Variants in STXBP5 observed in about 807,000 individuals in gnomAD.
STXBP5 encodes syntaxin-binding protein 5.
STXBP5 carries 50 observed loss-of-function variants against 152.4 expected under a neutral mutation model. The observed-to-expected ratio is 0.33, with a 90% CI of 0.26 to 0.42. The LOEUF is 0.42. Among genes scored for constraint, STXBP5 ranks in the 10% least tolerant of loss-of-function variants. STXBP5 has a pLI of 1.00. For missense variants in STXBP5, 1,167 were observed against 1,388.6 expected, an observed-to-expected ratio of 0.84 and a Z score of 2.54; for synonymous variants, 492 against 494.7, an observed-to-expected ratio of 0.99 and a Z score of 0.07.
intron 5 of STXBP5, among the ~76,000 whole-genome samples, chr6:147,262,005 A>G (rs1779665854): frequency 6.6e-6 from 1 of 152,064 alleles, no homozygotes. Flanking sequence ...CTACCTTGAC[A>G]ATAGATTTCC....
At chr6:147,258,190 G>A (rs1004249139) in intron 4 of STXBP5, among the ~76,000 whole-genome samples, 2 of 152,098 alleles carry the variant, frequency 1.3e-5, no homozygotes, top group African/African-American at 4.8e-5. Flanking sequence ...GTGTGGGAGG[G>A]GAATGTAATC....
intron 7 of STXBP5, among the ~76,000 whole-genome samples, chr6:147,271,550 C>T (rs1421741853): frequency 6.6e-6 from 1 of 151,764 alleles, no homozygotes; most frequent in Non-Finnish European, 1.5e-5. Flanking sequence ...TTCTAAATAA[C>T]CCATGAGTCA....
chr6:147,359,061 CACA>C lies in STXBP5; in HGVS notation c.2306-19_2306-17del. 1 of 1,603,264 alleles carries C rather than the reference CACA, an allele frequency of 6.2e-7. No homozygotes were observed. Among genetic ancestry groups the C allele is most frequent in the Non-Finnish European group, 8.5e-7 (1 of 1,172,690 alleles). On this transcript the variant is annotated intron_variant, in intron 22 of 27. Coordinates refer to ENST00000321680, the MANE Select transcript of STXBP5 (RefSeq NM_001127715.4). Reference sequence around the variant, plus strand: ...ACTTCTTTTATAACTTGAGCAATCTCACAACATTTTTAACCATTTCAGATGTAA... The same window carrying C: ...ACTTCTTTTATAACTTGAGCAATCTCACATTTTTAACCATTTCAGATGTAA...
Position 147,210,797 on chromosome 6 carries a change from TGTG to T in STXBP5, c.248+4734_248+4736del, listed in dbSNP as rs542863322. Among the ~76,000 whole-genome samples, 5 of 152,314 alleles carry T rather than the reference TGTG, an allele frequency of 3.3e-5. No individual in the cohort carries two copies. In the East Asian group the frequency reaches 7.7e-4, roughly 24 times the overall value. On this transcript the variant is annotated intron_variant, in intron 2 of 27. Transcript: ENST00000321680. ...AGCTTTTACGATCATGAAGGGATATTGTGGTGGATACATGATTATTACATTATT... is the reference window on the plus strand; with the variant it reads ...AGCTTTTACGATCATGAAGGGATATTGTGGATACATGATTATTACATTATT...
In STXBP5 at chr6:147,353,350, C is replaced by A; in HGVS notation, c.2282C>A (p.Pro761His). 1 of 1,580,952 alleles carries A rather than the reference C, an allele frequency of 6.3e-7. No homozygotes were observed. The highest frequency in any genetic ancestry group is 1.2e-5 in the South Asian group (1 of 84,594). Reference sequence around the variant, plus strand: ...AAGATGTCAAGGAAGTTAAGCTTACCTACTGACCTAAAGCCTGATTTAGGT... The same window carrying A: ...AAGATGTCAAGGAAGTTAAGCTTACATACTGACCTAAAGCCTGATTTAGGT... Reference protein sequence around the residue: ...IAKMSRKLSLPTDLKPDLDVK... With the variant: ...IAKMSRKLSLHTDLKPDLDVK... Residue 761 changes from proline to histidine, a missense_variant, in exon 22 of 28, where the codon CCT becomes CAT. Transcript: ENST00000321680.
intron 21 of STXBP5, chr6:147,351,936 C>G: frequency 1.0e-6 from 1 of 965,154 alleles, no homozygotes; most frequent in Non-Finnish European, 1.2e-6. Flanking sequence ...AAAATTTAAC[C>G]TAATATATTC....
At chr6:147,239,322 C>A (rs780816236) in intron 4 of STXBP5, 52 bp downstream of exon 4, 6 of 1,515,352 alleles carry the variant, frequency 4.0e-6, no homozygotes, top group Non-Finnish European at 5.4e-6. Context: ...ATTATATTTT[C>A]TTGAATTTCA....
At chr6:147,223,311 A>T (rs1405325670) in intron 2 of STXBP5, among the ~76,000 whole-genome samples, 1 of 152,218 alleles carries the variant, frequency 6.6e-6, no homozygotes, top group Non-Finnish European at 1.5e-5. Context: ...CATAGCCCAT[A>T]ATATACAAAA....
At position 147,388,471 on chromosome 6, in the gene STXBP5, A is replaced by G. The variant is rs1786441377; in HGVS notation, c.*3716A>G. The G allele has an allele frequency of 6.6e-6, 1 of 151,694 alleles. No homozygotes were observed. Among genetic ancestry groups the G allele is most frequent in the Admixed American group, 6.6e-5 (1 of 15,178 alleles). 9.4% of individuals were successfully genotyped at this position (151,694 alleles called of 1,614,324 possible). ...TTTAAAATGGAATTTTTATAAATGT[A>G]CTTTAATTTTAAAATGGTGAACTTG... is the stretch of plus-strand genomic sequence containing the variant. On this transcript the variant is annotated 3_prime_UTR_variant, in exon 28 of 28. Transcript: ENST00000321680.
Position 147,232,106 on chromosome 6 carries a change from G to T in STXBP5, c.249-3144G>T, listed in dbSNP as rs111304889. On this transcript the variant is annotated intron_variant, in intron 2 of 27. Transcript: ENST00000321680. The stretch of plus-strand genomic sequence containing the variant: ...AAGCTAGTCTAGATAGGTCTTATAT[G>T]CATTTTATAGATTAGAGAGTTAAGA... Among the ~76,000 whole-genome samples, 3 of 151,866 alleles carry T rather than the reference G, an allele frequency of 2.0e-5. 1 individual carries two copies. The highest frequency in any genetic ancestry group is 7.2e-5 in the African/African-American group (3 of 41,518).
chr6:147,305,443 G>A (rs894783015), intron 9 of STXBP5, among the ~76,000 whole-genome samples: 3 of 151,868 alleles, frequency 2.0e-5, no homozygotes, highest in Admixed American at 2.0e-4. Flanking sequence ...TTTTGATTTG[G>A]TAGATTAAAA....
chr6:147,325,191 G>A (rs1783185579), intron 17 of STXBP5, 107 bp downstream of exon 17: 2 of 1,104,526 alleles, frequency 1.8e-6, no homozygotes, highest in South Asian at 7.5e-5. Flanking sequence ...ACCTAAAATG[G>A]CATTCTACAA....
intron 9 of STXBP5, among the ~76,000 whole-genome samples, chr6:147,305,261 T>A (rs950934762): frequency 1.3e-5 from 2 of 151,910 alleles, no homozygotes; most frequent in African/African-American, 4.8e-5. Flanking sequence ...TCAACAAATT[T>A]AAAAAAAAAT....
In STXBP5 at chr6:147,236,997, C is replaced by T. The variant is rs1582823768; in HGVS notation, c.330+1666C>T. Among the ~76,000 whole-genome samples, 2 of 152,010 alleles carry T rather than the reference C, an allele frequency of 1.3e-5. 1 individual carries two copies. The highest frequency in any genetic ancestry group is 4.1e-4 in the South Asian group (2 of 4,824). On this transcript the variant is annotated intron_variant, in intron 3 of 27. Coordinates refer to ENST00000321680, the MANE Select transcript of STXBP5 (RefSeq NM_001127715.4). The stretch of plus-strand genomic sequence containing the variant: ...TTCACTGTGTTGGCCAGGCTGGTCT[C>T]TAACTCCTGACCTCGTGATCTGCCT...
At chr6:147,306,581 T>A (rs1024012482) in intron 9 of STXBP5, among the ~76,000 whole-genome samples, 9 of 152,218 alleles carry the variant, frequency 5.9e-5, no homozygotes, top group African/African-American at 1.4e-4. Context: ...AAACAGGATG[T>A]GTCTGCATGA....
intron 19 of STXBP5, among the ~76,000 whole-genome samples, chr6:147,334,739 T>C (rs1043845547): frequency 2.0e-5 from 3 of 152,110 alleles, no homozygotes; most frequent in Non-Finnish European, 4.4e-5. Flanking sequence ...TATTAACATT[T>C]CAAAAGAATA....
chr6:147,349,740 C>A (rs1784505899), intron 21 of STXBP5, among the ~76,000 whole-genome samples: 1 of 152,088 alleles, frequency 6.6e-6, no homozygotes. Context: ...AGAAGTATAT[C>A]CCTGCCCTCT....
In STXBP5 at chr6:147,339,239, G is replaced by A. The variant is rs1261581487; in HGVS notation, c.2206+1G>A. On this transcript the variant is annotated splice_donor_variant, in intron 20 of 27. Coordinates refer to ENST00000321680, the MANE Select transcript of STXBP5 (RefSeq NM_001127715.4). LOFTEE classifies it high-confidence loss of function. ...AAAATGAATAATTTTATAGAAAAGG[G>A]TATAGTATCTTGATTTTAAAGTATT... 1.3e-6 allele frequency: 2 copies of A among 1,530,276 alleles called. No individual in the cohort carries two copies. Among genetic ancestry groups the A allele is most frequent in the Admixed American group, 2.1e-5 (1 of 47,674 alleles). 94.8% of individuals were successfully genotyped at this position (1,530,276 alleles called of 1,614,324 possible).
At chr6:147,301,083 A>G (rs898490861) in intron 9 of STXBP5, among the ~76,000 whole-genome samples, 1 of 152,132 alleles carries the variant, frequency 6.6e-6, no homozygotes, top group Non-Finnish European at 1.5e-5. Context: ...GGGAAATACA[A>G]ATAATACCAC....
Sources: allele counts gnomAD v4.1 joint callset (sites outside exome capture counted in the v4.1 genomes callset), GRCh38; gene constraint gnomAD v4.1.1; transcripts MANE v1.5; gene names NCBI Gene and HGNC (gene_info 2026-07-23, HGNC 2026-07-21).